GPHN: variants seen among roughly 807,000 people sequenced by gnomAD.
GPHN encodes gephyrin.
Under a neutral mutation model 95.5 loss-of-function variants are expected in GPHN, and 17 were observed. That is an observed-to-expected ratio of 0.18 (90% CI 0.12 to 0.27). The LOEUF (loss-of-function observed/expected upper bound fraction) is 0.27, where lower values mean the gene tolerates loss of function less well. Among genes scored for constraint, GPHN ranks in the 10% least tolerant of loss-of-function variants. The probability of loss-of-function intolerance (pLI) is 1.00; values close to 1 mark genes in which losing one functional copy is unlikely to be tolerated. For missense variants in GPHN, 660 were observed against 978.1 expected, an observed-to-expected ratio of 0.67 and a Z score of 4.34; for synonymous variants, 320 against 322.5, an observed-to-expected ratio of 0.99 and a Z score of 0.08.
At chr14:67,307,318 G>A in the GPHN span, among the ~76,000 whole-genome samples, 1 of 152,154 alleles carries the variant, frequency 6.6e-6, no homozygotes, top group Non-Finnish European at 1.5e-5. Context: ...ATAATAATAT[G>A]TAGGGAGGGC....
intron 4 of GPHN, among the ~76,000 whole-genome samples, chr14:66,865,384 C>A (rs1034430257): frequency 4.0e-5 from 6 of 151,860 alleles, no homozygotes; most frequent in Non-Finnish European, 8.8e-5. Context: ...CTACTGCATA[C>A]CCAGGAAAAT....
rs1211735503 is a variant in GPHN at position 66,879,832 on chromosome 14, G to A, written c.295-107G>A. 4.0e-6 allele frequency: 3 copies of A among 744,750 alleles called. No homozygotes were observed. In the African/African-American group the frequency reaches 5.2e-5, roughly 13 times the overall value. 46.1% of individuals were successfully genotyped at this position (744,750 alleles called of 1,614,324 possible). The stretch of plus-strand genomic sequence containing the variant: ...AAATGTTTCAGAAACTAAAAGTATG[G>A]TTATTGAAAGCCTGGTTTATAATCA... On this transcript the variant is annotated intron_variant, in intron 4 of 22. Transcript: ENST00000478722.
chr14:67,389,764 GTGTTTTTTTT>G, the GPHN span, among the ~76,000 whole-genome samples: 1 of 148,924 alleles, frequency 6.7e-6, no homozygotes, highest in Non-Finnish European at 1.5e-5. Context: ...CAAAACTAAA[GTGTTTTTTTT>G]CTTTTTTTTT....
At chr14:66,893,057 G>C (rs751627149) in intron 5 of GPHN, among the ~76,000 whole-genome samples, 100 of 152,138 alleles carry the variant, frequency 6.6e-4, no homozygotes, top group Non-Finnish European at 1.9e-4. Context: ...AAGTGACACA[G>C]ATGGTGTGAG....
chr14:67,147,519 G>GTTTTC (rs1347325439), intron 18 of GPHN, among the ~76,000 whole-genome samples: 1 of 151,930 alleles, frequency 6.6e-6, no homozygotes, highest in African/African-American at 2.4e-5. Flanking sequence ...GTTTTGTTTT[G>GTTTTC]TTTTGTTTTG....
chr14:66,956,494 C>T (rs1026610216), intron 8 of GPHN, among the ~76,000 whole-genome samples: 1 of 151,876 alleles, frequency 6.6e-6, no homozygotes, highest in African/African-American at 2.4e-5. Context: ...AGTTTACAGT[C>T]CCACCAACAG....
the GPHN span, among the ~76,000 whole-genome samples, chr14:67,354,499 G>A: frequency 3.9e-5 from 6 of 152,054 alleles, no homozygotes; most frequent in Admixed American, 6.5e-5. Context: ...ACAAAAACAC[G>A]TGCAAGGTTT....
chr14:67,217,993 T>G, the GPHN span, among the ~76,000 whole-genome samples: 1 of 152,160 alleles, frequency 6.6e-6, no homozygotes, highest in Non-Finnish European at 1.5e-5. Context: ...TTGCATTGGC[T>G]TTGGTTCTAA....
At chr14:67,704,760 A>C in the GPHN span, among the ~76,000 whole-genome samples, 10 of 152,214 alleles carry the variant, frequency 6.6e-5, no homozygotes, top group Non-Finnish European at 1.0e-4. Flanking sequence ...AGTATTTAAC[A>C]AAAGCCCTTA....
the GPHN span, among the ~76,000 whole-genome samples, chr14:67,381,917 G>A: frequency 6.6e-6 from 1 of 152,018 alleles, no homozygotes; most frequent in South Asian, 2.1e-4. Flanking sequence ...GATTCCTATT[G>A]GTAGAAAGCC....
chr14:67,443,455 C>T, the GPHN span, among the ~76,000 whole-genome samples: 10 of 152,018 alleles, frequency 6.6e-5, no homozygotes, highest in South Asian at 4.2e-4. Context: ...CATTTCAAGC[C>T]GATGGCAAGG....
chr14:67,352,121 CAAAAAATA>C, the GPHN span, among the ~76,000 whole-genome samples: 6 of 151,336 alleles, frequency 4.0e-5, no homozygotes, highest in Non-Finnish European at 7.4e-5. Flanking sequence ...CCCATCTCCA[CAAAAAATA>C]AAAAAATAAA....
At chr14:66,508,905 T>TGCAGGCGGCGGGATCCCGGCTCC (rs2057908081) in intron 1 of GPHN, among the ~76,000 whole-genome samples, 2 of 152,106 alleles carry the variant, frequency 1.3e-5, no homozygotes, top group Non-Finnish European at 2.9e-5. Context: ...GCGCTGTCGG[T>TGCAGGCGGCGGGATCCCGGCTCC]GCAGGCGGCG....
At chr14:67,562,066 T>TA in the GPHN span, 4 of 1,609,960 alleles carry the variant, frequency 2.5e-6, no homozygotes, top group African/African-American at 5.4e-5. Flanking sequence ...AGGTGTGCAG[T>TA]ACGTGTGTTT....
chr14:67,186,214 A>G (rs2083368014), downstream of GPHN, among the ~76,000 whole-genome samples: 1 of 152,178 alleles, frequency 6.6e-6, no homozygotes, highest in Admixed American at 6.5e-5. Flanking sequence ...AGAGTCTCAG[A>G]TATCTAAGTG....
At chr14:67,416,851 G>T in the GPHN span, among the ~76,000 whole-genome samples, 1 of 152,208 alleles carries the variant, frequency 6.6e-6, no homozygotes, top group South Asian at 2.1e-4. Flanking sequence ...CACCATAAAG[G>T]TGAGGCTTCT....
intron 18 of GPHN, among the ~76,000 whole-genome samples, chr14:67,149,664 A>G (rs1567408995): frequency 6.6e-6 from 1 of 152,194 alleles, no homozygotes; most frequent in Non-Finnish European, 1.5e-5. Context: ...AACTACCCAT[A>G]TTAATTATGA....
intron 1 of GPHN, among the ~76,000 whole-genome samples, chr14:66,537,313 G>T: frequency 6.6e-6 from 1 of 151,350 alleles, no homozygotes. Flanking sequence ...CCATACTTTG[G>T]GTGTTTAAAT....
the GPHN span, among the ~76,000 whole-genome samples, chr14:67,644,058 T>TG: frequency 6.4e-4 from 98 of 152,182 alleles, no homozygotes; most frequent in Non-Finnish European, 1.0e-3. Flanking sequence ...TGGGGACCAC[T>TG]GATCAATGTG....
Sources: gnomAD v4.1 joint callset for allele counts (sites outside exome capture counted in the v4.1 genomes callset) on GRCh38, gnomAD v4.1.1 for gene constraint, MANE v1.5 for transcripts, NCBI Gene and HGNC (gene_info 2026-07-23, HGNC 2026-07-21) for gene names.